The following GPATCH2 variants were observed in gnomAD, a reference collection of about 807,000 sequenced individuals.
The protein encoded by GPATCH2 is G-patch domain containing 2, also known as G patch domain-containing protein 2.
In GPATCH2, 51 loss-of-function variants were observed where a neutral mutation model predicts 58.0. The ratio of observed to expected loss-of-function variants is 0.88; its 90% CI spans 0.70 to 1.11. The LOEUF (loss-of-function observed/expected upper bound fraction) is 1.11, where lower values mean the gene tolerates loss of function less well. Ranked by LOEUF, GPATCH2 falls within the 50% of genes most tolerant of loss-of-function variation. GPATCH2 has a pLI of 0.00. For missense variants in GPATCH2, 625 were observed against 652.2 expected (o/e 0.96, Z 0.45); for synonymous variants, 222 against 218.5 (o/e 1.02, Z -0.14).
intron 7 of GPATCH2, chr1:217,492,359 C>T (rs1282147021): frequency 6.6e-6 from 1 of 152,146 alleles, no homozygotes; most frequent in Non-Finnish European, 1.5e-5. Context: ...TTACCATCCA[C>T]TTCCCTTTAC....
At chr1:217,617,288 C>T (rs916871697) in intron 2 of GPATCH2, among the ~76,000 whole-genome samples, 3 of 152,186 alleles carry the variant, frequency 2.0e-5, no homozygotes, top group South Asian at 4.1e-4. Context: ...CCTATGAATG[C>T]CATTTCCCTC....
At chr1:217,592,383 A>G (rs1667633217) in intron 5 of GPATCH2, among the ~76,000 whole-genome samples, 1 of 152,004 alleles carries the variant, frequency 6.6e-6, no homozygotes, top group Non-Finnish European at 1.5e-5. Flanking sequence ...GTGGGAAAGT[A>G]GATGGCTTCT....
chr1:217,497,820 C>G (rs2102546076), intron 7 of GPATCH2, among the ~76,000 whole-genome samples: 1 of 152,216 alleles, frequency 6.6e-6, no homozygotes, highest in African/African-American at 2.4e-5. Context: ...GGGGTAACTG[C>G]TGATTTTACA....
chr1:217,599,938 T>C (rs1363418998), intron 5 of GPATCH2, among the ~76,000 whole-genome samples: 2 of 152,096 alleles, frequency 1.3e-5, no homozygotes, highest in Non-Finnish European at 2.9e-5. Context: ...AGTTTCTAGA[T>C]TGAATACTTC....
intron 8 of GPATCH2, among the ~76,000 whole-genome samples, chr1:217,476,742 C>G (rs553303434): frequency 6.6e-6 from 1 of 152,262 alleles, no homozygotes; most frequent in South Asian, 2.1e-4. Flanking sequence ...TTTCTGCAAA[C>G]CTCGCAACCA....
At chr1:217,588,175 T>C (rs550880946) in intron 5 of GPATCH2, among the ~76,000 whole-genome samples, 10 of 152,166 alleles carry the variant, frequency 6.6e-5, no homozygotes, top group Non-Finnish European at 1.3e-4. Context: ...TCCTTCATAT[T>C]CTTCCAGGGG....
At chr1:217,447,836 A>C (rs1000266986) in intron 9 of GPATCH2, among the ~76,000 whole-genome samples, 1 of 152,164 alleles carries the variant, frequency 6.6e-6, no homozygotes, top group East Asian at 1.9e-4. Flanking sequence ...CTCACGAGCC[A>C]CCTGTAATCC....
At chr1:217,561,881 C>G (rs1558485539) in intron 5 of GPATCH2, among the ~76,000 whole-genome samples, 1 of 152,190 alleles carries the variant, frequency 6.6e-6, no homozygotes, top group East Asian at 1.9e-4. Flanking sequence ...CAGGCAATGG[C>G]AAGCCCTTAA....
At chr1:217,518,763 G>A (rs1394564509) in intron 5 of GPATCH2, among the ~76,000 whole-genome samples, 1 of 152,204 alleles carries the variant, frequency 6.6e-6, no homozygotes, top group Non-Finnish European at 1.5e-5. Context: ...CTCTAGTATA[G>A]CTGGTCCCCT....
At chr1:217,553,910 CA>C (rs1249685235) in intron 5 of GPATCH2, among the ~76,000 whole-genome samples, 28 of 152,252 alleles carry the variant, frequency 1.8e-4, no homozygotes, top group Admixed American at 1.7e-3. Context: ...AGTGTAAAGC[CA>C]TATGGTCCCA....
intron 5 of GPATCH2, among the ~76,000 whole-genome samples, chr1:217,562,911 C>T (rs1666001607): frequency 6.6e-6 from 1 of 152,190 alleles, no homozygotes; most frequent in South Asian, 2.1e-4. Flanking sequence ...ACTTTGAAAA[C>T]TTTAACAGTA....
intron 9 of GPATCH2, among the ~76,000 whole-genome samples, chr1:217,435,377 TG>T (rs1013674328): frequency 6.6e-6 from 1 of 152,222 alleles, no homozygotes; most frequent in African/African-American, 2.4e-5. Context: ...CTTGCATAAT[TG>T]GCTCAAGAGA....
At chr1:217,566,461 A>C (rs994062726) in intron 5 of GPATCH2, among the ~76,000 whole-genome samples, 4 of 152,192 alleles carry the variant, frequency 2.6e-5, no homozygotes, top group African/African-American at 4.8e-5. Flanking sequence ...ATACTGAATT[A>C]ATTCATTACA....
chr1:217,459,788 A>T (rs1298703064), intron 8 of GPATCH2, among the ~76,000 whole-genome samples: 1 of 152,122 alleles, frequency 6.6e-6, no homozygotes, highest in East Asian at 1.9e-4. Context: ...CCATGCATTT[A>T]CTCATTTTTG....
chr1:217,452,374 A>G (rs1396346993), intron 8 of GPATCH2, among the ~76,000 whole-genome samples: 1 of 152,224 alleles, frequency 6.6e-6, no homozygotes, highest in Non-Finnish European at 1.5e-5. Flanking sequence ...CTAAGCTAAA[A>G]CAATTATTAG....
At chr1:217,541,310 T>C (rs567771090) in intron 5 of GPATCH2, among the ~76,000 whole-genome samples, 1 of 152,366 alleles carries the variant, frequency 6.6e-6, no homozygotes, top group Non-Finnish European at 1.5e-5. Context: ...TATCATTGAA[T>C]GCAACACAAT....
chr1:217,431,500 T>C (rs1250245755), intron 9 of GPATCH2, 135 bp from the exon 10 acceptor site: 2 of 625,446 alleles, frequency 3.2e-6, no homozygotes, highest in Non-Finnish European at 5.7e-6. Flanking sequence ...TGCGTATTCA[T>C]CTTTGGATAC....
Position 217,528,618 on chromosome 1 carries a change from G to A in GPATCH2, c.1099-13729C>T, listed in dbSNP as rs143536146. On this transcript the variant is annotated intron_variant, in intron 5 of 9. Transcript: ENST00000366935. Reference sequence around the variant, plus strand: ...AAGGTCAGAGAAGCATGGGGGGACTGAGGGATGTCTGTTCCCTGAGGTACA... The same window carrying A: ...AAGGTCAGAGAAGCATGGGGGGACTAAGGGATGTCTGTTCCCTGAGGTACA... Among the ~76,000 whole-genome samples, 57 of 152,334 alleles carry A rather than the reference G, an allele frequency of 3.7e-4. 1 individual carries two copies. The highest frequency in any genetic ancestry group is 3.6e-3 in the Admixed American group (55 of 15,310).
At chr1:217,594,078 C>T (rs1050815385) in intron 5 of GPATCH2, among the ~76,000 whole-genome samples, 6 of 152,074 alleles carry the variant, frequency 3.9e-5, no homozygotes, top group African/African-American at 1.4e-4. Flanking sequence ...AATTATTTAA[C>T]ATCTAGATGC....
Sources: allele counts gnomAD v4.1 joint callset (sites outside exome capture counted in the v4.1 genomes callset), GRCh38; gene constraint gnomAD v4.1.1; transcripts MANE v1.5; gene names NCBI Gene and HGNC (gene_info 2026-07-23, HGNC 2026-07-21).